The following CSMD1 variants were observed in gnomAD, a reference collection of about 807,000 sequenced individuals.
CSMD1 encodes the protein CUB and sushi domain-containing protein 1.
Under a neutral mutation model 417.5 loss-of-function variants are expected in CSMD1, and 213 were observed. The observed-to-expected ratio is 0.51, with a 90% CI of 0.46 to 0.57. The LOEUF (loss-of-function observed/expected upper bound fraction) is 0.57. CSMD1 is among the 20% of genes least tolerant of loss of function. The pLI is 0.00. For synonymous variants in CSMD1, 2,862 were observed against 1,736.8 expected (o/e 1.65, Z -16.11); for missense variants, 6,923 against 4,529.7 (o/e 1.53, Z -15.17).
chr8:2,965,213 T>C (rs185698927), intron 59 of CSMD1, among the ~76,000 whole-genome samples: 1 of 152,266 alleles, frequency 6.6e-6, no homozygotes, highest in East Asian at 1.9e-4. Flanking sequence ...GAAGCCACCT[T>C]GATGAGTTGA....
At chr8:3,601,694 G>C (rs998139125) in intron 8 of CSMD1, among the ~76,000 whole-genome samples, 2 of 152,208 alleles carry the variant, frequency 1.3e-5, no homozygotes, top group African/African-American at 2.4e-5. Flanking sequence ...ATGCAGAAGA[G>C]TTATCAACTA....
At chr8:3,307,859 A>T (rs751513782) in intron 24 of CSMD1, 38 bp from the exon 25 acceptor site, 1 of 1,598,382 alleles carries the variant, frequency 6.3e-7, no homozygotes. Flanking sequence ...GTTCAGCTTC[A>T]GGCATCACAT....
chr8:3,481,028 C>T (rs1268621721), intron 11 of CSMD1, among the ~76,000 whole-genome samples: 1 of 151,396 alleles, frequency 6.6e-6, no homozygotes, highest in Non-Finnish European at 1.5e-5. Flanking sequence ...TGGTGGCAGG[C>T]ACCTGTAGTC....
At chr8:4,595,022 A>ATT (rs1800180179) in intron 2 of CSMD1, among the ~76,000 whole-genome samples, 1 of 151,924 alleles carries the variant, frequency 6.6e-6, no homozygotes, top group East Asian at 1.9e-4. Context: ...AATATACTGG[A>ATT]TTCCTTGTTG....
chr8:3,710,102 C>T (rs538738828), intron 6 of CSMD1, among the ~76,000 whole-genome samples: 37 of 150,144 alleles, frequency 2.5e-4, no homozygotes, highest in East Asian at 1.8e-3. Context: ...ATATATTTTA[C>T]GCATTCATGA....
chr8:3,759,452 G>C (rs1217814669), intron 5 of CSMD1, among the ~76,000 whole-genome samples: 2 of 152,152 alleles, frequency 1.3e-5, no homozygotes, highest in Admixed American at 1.3e-4. Flanking sequence ...TTTCCTGGAA[G>C]TCTTCTACAG....
chr8:4,264,760 G>A (rs17406688), intron 3 of CSMD1, among the ~76,000 whole-genome samples: 6,304 of 152,108 alleles, frequency 0.041, 180 homozygotes, highest in Non-Finnish European at 0.063. Context: ...CATCTAGAAC[G>A]TTCTTTGGCC....
At chr8:4,825,012 T>A (rs1799741212) in intron 1 of CSMD1, among the ~76,000 whole-genome samples, 1 of 152,140 alleles carries the variant, frequency 6.6e-6, no homozygotes, top group African/African-American at 2.4e-5. Context: ...CTGCCATGTT[T>A]ATGACACTTA....
intron 1 of CSMD1, among the ~76,000 whole-genome samples, chr8:4,850,382 C>CTTTTTTTTTTTTTTTT: frequency 1.0e-4 from 8 of 77,826 alleles, no homozygotes; most frequent in African/African-American, 2.6e-4. Flanking sequence ...TCCAATTTAT[C>CTTTTTTTTTTTTTTTT]TTTTTTTTTT....
chr8:4,830,731 G>A (rs189773426), intron 1 of CSMD1, among the ~76,000 whole-genome samples: 1 of 152,126 alleles, frequency 6.6e-6, no homozygotes, highest in Non-Finnish European at 1.5e-5. Context: ...TTGTATCTTC[G>A]CTTAATTGGA....
chr8:4,675,389 T>G (rs1805609240), intron 1 of CSMD1, among the ~76,000 whole-genome samples: 2 of 152,158 alleles, frequency 1.3e-5, no homozygotes, highest in African/African-American at 2.4e-5. Flanking sequence ...AACCTTAAGT[T>G]TATCATTTCT....
At chr8:4,824,082 CCA>C (rs34597770) in intron 1 of CSMD1, among the ~76,000 whole-genome samples, 89,022 of 147,530 alleles carry the variant, frequency 0.6, 27,383 homozygotes, top group Non-Finnish European at 0.7. Flanking sequence ...AAATAAATAT[CCA>C]CACACACACA....
chr8:3,741,315 A>C (rs1412551103), intron 6 of CSMD1, among the ~76,000 whole-genome samples: 1 of 151,844 alleles, frequency 6.6e-6, no homozygotes, highest in East Asian at 1.9e-4. Context: ...TAAATGTTTA[A>C]AGAGGTTTGC....
chr8:4,023,200 G>C (rs1031907660), intron 4 of CSMD1, among the ~76,000 whole-genome samples: 3 of 152,162 alleles, frequency 2.0e-5, no homozygotes, highest in African/African-American at 7.2e-5. Context: ...GCAGGCTACA[G>C]ACCTTCAGGG....
intron 23 of CSMD1, among the ~76,000 whole-genome samples, chr8:3,315,670 G>T (rs888419989): frequency 6.7e-6 from 1 of 149,786 alleles, no homozygotes; most frequent in Non-Finnish European, 1.5e-5. Context: ...ATAGCAAACA[G>T]GTTGTTGACA....
At chr8:4,864,135 T>A (rs545663894) in intron 1 of CSMD1, among the ~76,000 whole-genome samples, 1 of 152,114 alleles carries the variant, frequency 6.6e-6, no homozygotes, top group African/African-American at 2.4e-5. Context: ...GGGTATTTTT[T>A]ATTAAATTGA....
At chr8:4,460,178 G>A (rs547508369) in intron 2 of CSMD1, among the ~76,000 whole-genome samples, 5 of 152,196 alleles carry the variant, frequency 3.3e-5, no homozygotes, top group East Asian at 3.9e-4. Context: ...TGAGCTCAAT[G>A]CAAGAAAATT....
At chr8:4,212,733 T>C (rs1563282482) in intron 3 of CSMD1, among the ~76,000 whole-genome samples, 1 of 148,266 alleles carries the variant, frequency 6.7e-6, no homozygotes, top group African/African-American at 2.5e-5. Context: ...GTGAAAAGTT[T>C]ACAACAGCGG....
At chr8:4,862,817 T>C (rs914478003) in intron 1 of CSMD1, among the ~76,000 whole-genome samples, 3 of 151,974 alleles carry the variant, frequency 2.0e-5, no homozygotes, top group Non-Finnish European at 4.4e-5. Flanking sequence ...TTGGGGTAGC[T>C]AGAAAGTTGA....
Sources: allele counts gnomAD v4.1 joint callset (sites outside exome capture counted in the v4.1 genomes callset), GRCh38; gene constraint gnomAD v4.1.1; transcripts MANE v1.5; gene names NCBI Gene and HGNC (gene_info 2026-07-23, HGNC 2026-07-21).